UBE2C: variants seen among roughly 807,000 people sequenced by gnomAD.
UBE2C encodes the protein ubiquitin-conjugating enzyme E2 C.
Under a neutral mutation model 23.5 loss-of-function variants are expected in UBE2C, and 16 were observed. The ratio of observed to expected loss-of-function variants is 0.68; its 90% CI spans 0.46 to 1.03. UBE2C has a LOEUF of 1.03. Among genes scored for constraint, UBE2C ranks in the 50% least tolerant of loss-of-function variants. The pLI is 0.00. For missense variants in UBE2C, 192 were observed against 227.6 expected, an observed-to-expected ratio of 0.84 and a Z score of 1.01; for synonymous variants, 76 against 91.6, an observed-to-expected ratio of 0.83 and a Z score of 0.97.
At chr20:45,815,793 C>CA in intron 4 of UBE2C, 48 bp downstream of exon 4, 1 of 1,612,950 alleles carries the variant, frequency 6.2e-7, no homozygotes, top group Non-Finnish European at 8.5e-7. Context: ...GGGAACCTGT[C>CA]AGGACTCCCT....
At position 45,813,750 on chromosome 20, in the gene UBE2C, C is replaced by T. The variant is rs190880565; in HGVS notation, c.129+286C>T. Among the ~76,000 whole-genome samples, 496 of 152,210 alleles carry T rather than the reference C, an allele frequency of 3.3e-3. 5 individuals carry two copies. Among genetic ancestry groups the T allele is most frequent in the African/African-American group, 0.011 (477 of 41,516 alleles). On this transcript the variant is annotated intron_variant, in intron 2 of 5. Transcript: ENST00000356455. ...CAAGCTTTACCCACACCCAACTCCCCGCCCTTCTTGGTATTTCTAGCCTAT... is the reference window on the plus strand; with the variant it reads ...CAAGCTTTACCCACACCCAACTCCCTGCCCTTCTTGGTATTTCTAGCCTAT...
rs1347967860 is a variant in UBE2C, at chr20:45,814,476, T to C, written c.216+6T>C. The C allele has an allele frequency of 8.7e-6, 14 of 1,604,444 alleles. No homozygotes were observed. The highest frequency in any genetic ancestry group is 1.2e-5 in the Non-Finnish European group (14 of 1,174,714). On this transcript the variant is annotated splice_donor_region_variant and intron_variant, in intron 3 of 5. Transcript: ENST00000356455. ...TCCATGGAGCAGCTGGAACAGTAAGTGTAGGGCTGGGATGGGTGAGTGAGT... is the reference window on the plus strand; with the variant it reads ...TCCATGGAGCAGCTGGAACAGTAAGCGTAGGGCTGGGATGGGTGAGTGAGT...
chr20:45,815,515 T>TC, intron 3 of UBE2C, 26 bp from the exon 4 acceptor site: 1 of 1,614,152 alleles, frequency 6.2e-7, no homozygotes, highest in Non-Finnish European at 8.5e-7. Context: ...TGGAGCTTAC[T>TC]CTGCAACTGT....
Position 45,812,685 on chromosome 20 carries a change from A to G in UBE2C, c.-11A>G, listed in dbSNP as rs768969464. 2.8e-5 allele frequency: 44 copies of G among 1,550,786 alleles called. No homozygotes were observed. Among genetic ancestry groups the G allele is most frequent in the African/African-American group, 1.4e-4 (10 of 73,036 alleles). The stretch of plus-strand genomic sequence containing the variant: ...TCTCCGAGTTCCTGTCTCTCTGCCA[A>G]CGCCGCCCGGATGGCTTCCCAAAAC... On this transcript the variant is annotated 5_prime_UTR_variant, in exon 1 of 6. Transcript: ENST00000356455.
intron 2 of UBE2C, 48 bp from the exon 3 acceptor site, chr20:45,814,336 A>T: frequency 6.9e-7 from 1 of 1,456,112 alleles, no homozygotes. Context: ...GACCTTTGCT[A>T]TGCCCAAAAG....
chr20:45,816,052 GC>G, intron 5 of UBE2C, 139 bp downstream of exon 5: 1 of 758,066 alleles, frequency 1.3e-6, no homozygotes, highest in Non-Finnish European at 2.2e-6. Flanking sequence ...TTCTGTTTCT[GC>G]CCCAGTGCTC....
chr20:45,815,998 G>A, intron 5 of UBE2C, 85 bp downstream of exon 5: 2 of 1,513,908 alleles, frequency 1.3e-6, no homozygotes, highest in Non-Finnish European at 1.8e-6. Context: ...AGTGACTTGG[G>A]ACCGGGTTGG....
chr20:45,815,918 G>A lies in UBE2C; in HGVS notation c.481+5G>A. ...AGCTCTGGAAAAACCCCACAGGTGA[G>A]TCCTCAGTCCTTGAGCCCAGGGTGA... On this transcript the variant is annotated splice_donor_5th_base_variant and intron_variant, in intron 5 of 5. Coordinates refer to ENST00000356455, the MANE Select transcript of UBE2C (RefSeq NM_007019.4). 6.2e-7 allele frequency: 1 copy of A among 1,614,016 alleles called. No homozygotes were observed.
rs769621601 is a variant in UBE2C at position 45,815,830 on chromosome 20, CCTT to C, written c.422-21_422-19del. On this transcript the variant is annotated intron_variant, in intron 4 of 5. Transcript: ENST00000356455. ...GGGTCAGCCTCTTCTACCGCCTTGA[CCTT>C]CTCTTTCTCTCCACCCACAGAACCC... 6.8e-6 allele frequency: 11 copies of C among 1,613,928 alleles called. No individual in the cohort carries two copies. The South Asian group carries it at 9.9e-5, about 14-fold the overall frequency.
chr20:45,815,246 T>C (rs1050715422), intron 3 of UBE2C: 3 of 737,118 alleles, frequency 4.1e-6, no homozygotes, highest in African/African-American at 1.8e-5. Flanking sequence ...AGGCTAGGCA[T>C]AGTGGCTCAC....
At chr20:45,814,588 A>G (rs944315284) in intron 3 of UBE2C, 118 bp downstream of exon 3, 1 of 722,736 alleles carries the variant, frequency 1.4e-6, no homozygotes, top group Non-Finnish European at 2.2e-6. Flanking sequence ...GACTGTTTAC[A>G]TTCTCTGAGC....
intron 5 of UBE2C, among the ~76,000 whole-genome samples, chr20:45,816,457 G>A (rs1982565237): frequency 6.6e-6 from 1 of 152,166 alleles, no homozygotes; most frequent in Non-Finnish European, 1.5e-5. Flanking sequence ...CCAACATGGT[G>A]AAACCCCGTC....
Position 45,815,755 on chromosome 20 carries a change from G to A in UBE2C, c.421+10G>A. 6.2e-7 allele frequency: 1 copy of A among 1,612,158 alleles called. No homozygotes were observed. The highest frequency in any genetic ancestry group is 8.5e-7 in the Non-Finnish European group (1 of 1,178,538). On this transcript the variant is annotated intron_variant, in intron 4 of 5. Coordinates refer to ENST00000356455, the MANE Select transcript of UBE2C (RefSeq NM_007019.4). Reference sequence around the variant, plus strand: ...CAGAGCCTTCTAGGAGGTGACTTTAGAGACCACCCCTCCCCTCCATGCAAC... The same window carrying A: ...CAGAGCCTTCTAGGAGGTGACTTTAAAGACCACCCCTCCCCTCCATGCAAC...
rs3080107 is a variant in UBE2C at position 45,814,271 on chromosome 20, C to CATATATATATATATATATAT, written c.130-103_130-84dup. 766 of 391,270 alleles carry CATATATATATATATATATAT rather than the reference C, an allele frequency of 2.0e-3. 22 individuals are homozygous for CATATATATATATATATATAT. Among genetic ancestry groups the CATATATATATATATATATAT allele is most frequent in the African/African-American group, 7.1e-3 (283 of 39,742 alleles). 24.2% of individuals were successfully genotyped at this position (391,270 alleles called of 1,614,324 possible). A position where few individuals can be genotyped will look rare whatever the true frequency, so the allele number is the denominator to read the frequency against. ...ATATATGTGTGTGTGTGTATGTGAG[C>CATATATATATATATATATAT]ATATATATATATATATATATATATA... On this transcript the variant is annotated intron_variant, in intron 2 of 5. Coordinates refer to ENST00000356455, the MANE Select transcript of UBE2C (RefSeq NM_007019.4).
In UBE2C at chr20:45,815,603, G is replaced by T; in HGVS notation, c.279G>T (p.Ala93=). ...TCCCCAGTGGCTACCCTTACAATGC[G>T]CCCACAGTGAAGTTCCTCACGCCCT... ...LEFPSGYPYN[A]PTVKFLTPCY... Residue 93 remains alanine (A), a synonymous_variant, in exon 4 of 6, where the codon GCG becomes GCT. Coordinates refer to ENST00000356455, the MANE Select transcript of UBE2C (RefSeq NM_007019.4). 6.2e-7 allele frequency: 1 copy of T among 1,613,992 alleles called. No individual in the cohort carries two copies. Among genetic ancestry groups the T allele is most frequent in the Non-Finnish European group, 8.5e-7 (1 of 1,180,012 alleles).
chr20:45,815,693 T>C lies in UBE2C; in HGVS notation c.369T>C (p.Ser123=), dbSNP rs558429475. 8.1e-6 allele frequency: 13 copies of C among 1,614,178 alleles called. No individual in the cohort carries two copies. The East Asian group carries it at 2.7e-4, about 33-fold the overall frequency. ...TGGACATCCTGAAGGAAAAGTGGTCTGCCCTGTATGATGTCAGGACCATTC... is the reference window on the plus strand; with the variant it reads ...TGGACATCCTGAAGGAAAAGTGGTCCGCCCTGTATGATGTCAGGACCATTC... The part of the protein sequence containing the change: ...ICLDILKEKW[S]ALYDVRTILL... The change falls in exon 4 of 6, where the codon TCT becomes TCC. Residue 123 remains serine (S), a synonymous_variant. Coordinates refer to ENST00000356455, the MANE Select transcript of UBE2C (RefSeq NM_007019.4).
At chr20:45,814,136 CTCTCTCTCTCTA>C (rs1483785893) in intron 2 of UBE2C, among the ~76,000 whole-genome samples, 2 of 145,394 alleles carry the variant, frequency 1.4e-5, no homozygotes, top group African/African-American at 5.5e-5. Context: ...CAATCTCTCT[CTCTCTCTCTCTA>C]TATATATATA....
chr20:45,814,502 C>A, intron 3 of UBE2C, 32 bp downstream of exon 3: 1 of 1,571,524 alleles, frequency 6.4e-7, no homozygotes, highest in South Asian at 1.1e-5. Flanking sequence ...GTGAGTGAGT[C>A]TGGGGAAAGG....
intron 3 of UBE2C, 81 bp from the exon 4 acceptor site, chr20:45,815,460 G>A: frequency 6.2e-7 from 1 of 1,614,116 alleles, no homozygotes; most frequent in African/African-American, 1.3e-5. Context: ...CAAGATTCTA[G>A]CAAGCCCCTT....
Sources: gnomAD v4.1 joint callset for allele counts (sites outside exome capture counted in the v4.1 genomes callset) on GRCh38, gnomAD v4.1.1 for gene constraint, MANE v1.5 for transcripts, NCBI Gene and HGNC (gene_info 2026-07-23, HGNC 2026-07-21) for gene names.